SH3KBP1: variants seen among roughly 807,000 people sequenced by gnomAD.
SH3KBP1 encodes the protein SH3 domain-containing kinase-binding protein 1.
A neutral mutation model predicts 50.1 loss-of-function variants in SH3KBP1; 8 were observed. That is an observed-to-expected ratio of 0.16 (90% CI 0.09 to 0.29). The LOEUF (loss-of-function observed/expected upper bound fraction) is 0.29, where lower values mean the gene tolerates loss of function less well. Among genes scored for constraint, SH3KBP1 ranks in the 10% least tolerant of loss-of-function variants. SH3KBP1 has a pLI of 1.00. For missense variants in SH3KBP1, 377 were observed against 535.2 expected, an observed-to-expected ratio of 0.70 and a Z score of 2.92; for synonymous variants, 227 against 218.6, an observed-to-expected ratio of 1.04 and a Z score of -0.34.
chrX:19,746,299 T>G lies in SH3KBP1; in HGVS notation c.286+19A>C. 1 of 1,209,523 alleles carries G rather than the reference T, an allele frequency of 8.3e-7. No individual in the cohort carries two copies. Among genetic ancestry groups the G allele is most frequent in the Non-Finnish European group, 1.1e-6 (1 of 894,483 alleles). On this transcript the variant is annotated intron_variant, in intron 3 of 17. Transcript: ENST00000397821. ...TTTGTTTGTGTGCAGGGAGGGAACCTCTTTTTCCTTTTCCATACCTCTCTT... is the reference window on the plus strand; with the variant it reads ...TTTGTTTGTGTGCAGGGAGGGAACCGCTTTTTCCTTTTCCATACCTCTCTT...
intron 1 of SH3KBP1, among the ~76,000 whole-genome samples, chrX:19,855,466 G>C (rs1158832844): frequency 8.9e-6 from 1 of 112,412 alleles, no homozygotes; most frequent in Non-Finnish European, 1.9e-5. Context: ...CCAGATTTTA[G>C]CTGTAGGCTA....
chrX:19,629,179 C>CA (rs768405805), intron 8 of SH3KBP1, among the ~76,000 whole-genome samples: 1 of 109,280 alleles, frequency 9.2e-6, no homozygotes, highest in Non-Finnish European at 1.9e-5. Context: ...GCATCAGGAA[C>CA]ATGGTCTGAG....
intron 6 of SH3KBP1, among the ~76,000 whole-genome samples, chrX:19,651,020 T>C (rs1036821168): frequency 8.9e-6 from 1 of 111,960 alleles, no homozygotes; most frequent in East Asian, 2.8e-4. Flanking sequence ...ATCCCTAAAC[T>C]GCTATTAAAA....
At chrX:19,630,333 T>C (rs935980625) in intron 8 of SH3KBP1, among the ~76,000 whole-genome samples, 1 of 112,464 alleles carries the variant, frequency 8.9e-6, no homozygotes, top group Admixed American at 9.4e-5. Flanking sequence ...AACCAAATTA[T>C]CTGTGCTAAT....
chrX:19,612,056 G>C (rs2067445109), intron 8 of SH3KBP1, among the ~76,000 whole-genome samples: 1 of 109,243 alleles, frequency 9.2e-6, no homozygotes, highest in African/African-American at 3.3e-5. Context: ...GAGTGGGATA[G>C]AGATTTACAG....
intron 1 of SH3KBP1, among the ~76,000 whole-genome samples, chrX:19,840,190 CT>C (rs2068183172): frequency 1.8e-5 from 2 of 111,908 alleles, no homozygotes; most frequent in South Asian, 7.4e-4. Flanking sequence ...ACTCTAAGGG[CT>C]CTTTCCAGTG....
intron 6 of SH3KBP1, among the ~76,000 whole-genome samples, chrX:19,665,101 T>C (rs900906201): frequency 1.8e-5 from 2 of 111,560 alleles, no homozygotes; most frequent in African/African-American, 6.5e-5. Flanking sequence ...AGAGAGACAA[T>C]GAGAACCCAA....
At position 19,546,048 on chromosome X, in the gene SH3KBP1, T is replaced by A. The variant is rs1437558153; in HGVS notation, c.1497A>T (p.Ser499=). The part of the protein sequence containing the change: ...RRPPSQSLTS[S]SLSSPDIFDS... ...CGAAGATATCAGGGCTTGAAAGGGA[T>A]GACTGATAAAGCCAAAAGAAAATGC... The change falls in exon 15 of 18, where the codon TCA becomes TCT. Residue 499 remains serine, a splice_region_variant and synonymous_variant. Coordinates refer to ENST00000397821, the MANE Select transcript of SH3KBP1 (RefSeq NM_031892.3). The A allele has an allele frequency of 5.0e-6, 6 of 1,211,158 alleles. No individual in the cohort carries two copies. The South Asian group carries it at 1.1e-4, about 21-fold the overall frequency.
chrX:19,799,836 C>T (rs989954919), intron 2 of SH3KBP1: 17 of 1,055,698 alleles, frequency 1.6e-5, no homozygotes, highest in Middle Eastern at 2.6e-4. Context: ...CCTGCCCCTC[C>T]CACTACACAC....
At chrX:19,677,626 C>G (rs555092742) in intron 6 of SH3KBP1, among the ~76,000 whole-genome samples, 32 of 112,584 alleles carry the variant, frequency 2.8e-4, no homozygotes, top group South Asian at 2.6e-3. Context: ...CCACTGTTTT[C>G]TAATCAGAAA....
chrX:19,721,518 G>A (rs5955837), intron 3 of SH3KBP1, among the ~76,000 whole-genome samples: 5,541 of 111,857 alleles, frequency 0.05, 303 homozygotes, highest in African/African-American at 0.16. Context: ...CATATGTCTT[G>A]CTTGTATTTT....
At chrX:19,690,058 CTCTT>C (rs1278792346) in intron 5 of SH3KBP1, among the ~76,000 whole-genome samples, 9 of 97,640 alleles carry the variant, frequency 9.2e-5, no homozygotes, top group Admixed American at 2.1e-4. Context: ...CTCTCTCTCT[CTCTT>C]TTTTTTTTTT....
At chrX:19,687,658 C>T (rs774180774) in intron 5 of SH3KBP1, 47 of 1,206,632 alleles carry the variant, frequency 3.9e-5, no homozygotes, top group African/African-American at 1.8e-4. Context: ...CGGTGCAGCT[C>T]GGTACAGAAT....
chrX:19,733,554 C>A (rs922513572), intron 3 of SH3KBP1, among the ~76,000 whole-genome samples: 7 of 110,093 alleles, frequency 6.4e-5, no homozygotes, highest in African/African-American at 2.0e-4. Context: ...AAATTCTATA[C>A]AGATTAAAAT....
intron 1 of SH3KBP1, among the ~76,000 whole-genome samples, chrX:19,856,146 T>C (rs747219382): frequency 1.8e-5 from 2 of 110,969 alleles, no homozygotes; most frequent in Admixed American, 9.6e-5. Flanking sequence ...AGGAAATCTA[T>C]CACTGCTGTT....
intron 1 of SH3KBP1, among the ~76,000 whole-genome samples, chrX:19,878,326 C>T (rs188506203): frequency 1.1e-4 from 11 of 97,134 alleles, no homozygotes; most frequent in Non-Finnish European, 2.2e-4. Context: ...TTCCTTGAGA[C>T]ACGGTCTCAC....
intron 2 of SH3KBP1, chrX:19,747,653 G>A (rs2064955497): frequency 2.9e-6 from 1 of 342,568 alleles, no homozygotes; most frequent in Admixed American, 3.1e-5. Context: ...ACTCAAGAGT[G>A]TGTTAGTTAC....
intron 9 of SH3KBP1, among the ~76,000 whole-genome samples, 181 bp from the exon 10 acceptor site, chrX:19,595,181 T>C (rs1362007333): frequency 9.0e-6 from 1 of 111,420 alleles, no homozygotes; most frequent in African/African-American, 3.3e-5. Context: ...AACACTAAAA[T>C]AAATCCAGTC....
chrX:19,658,669 A>G (rs1162278894), intron 6 of SH3KBP1, among the ~76,000 whole-genome samples: 1 of 109,449 alleles, frequency 9.1e-6, no homozygotes, highest in African/African-American at 3.3e-5. Flanking sequence ...GGTTCAAGTG[A>G]TTCCCGTACC....
Sources: gnomAD v4.1 joint callset for allele counts (sites outside exome capture counted in the v4.1 genomes callset) on GRCh38, gnomAD v4.1.1 for gene constraint, MANE v1.5 for transcripts, NCBI Gene and HGNC (gene_info 2026-07-23, HGNC 2026-07-21) for gene names.